Variants in CHST9 observed in about 807,000 individuals in gnomAD.
CHST9 encodes the protein carbohydrate sulfotransferase 9, also known as GalNAc-4-sulfotransferase 2.
In CHST9, 41 loss-of-function variants were observed where a neutral mutation model predicts 44.4. The observed-to-expected ratio is 0.92, with a 90% confidence interval of 0.72 to 1.20. CHST9 has a LOEUF of 1.20. Ranked by LOEUF, CHST9 falls within the 50% of genes most tolerant of loss-of-function variation. CHST9 has a pLI of 0.00. For missense variants in CHST9, 504 were observed against 516.5 expected (o/e 0.98, Z 0.23); for synonymous variants, 171 against 178.4 (o/e 0.96, Z 0.33).
At chr18:26,948,240 C>T (rs1177378136) in intron 4 of CHST9, among the ~76,000 whole-genome samples, 1 of 151,992 alleles carries the variant, frequency 6.6e-6, no homozygotes, top group Non-Finnish European at 1.5e-5. Flanking sequence ...CACACTGAGG[C>T]CTTTCAGGGA....
chr18:27,148,379 G>T (rs1362315507), intron 1 of CHST9, among the ~76,000 whole-genome samples: 1 of 151,148 alleles, frequency 6.6e-6, no homozygotes, highest in African/African-American at 2.4e-5. Context: ...TTAGCATTAG[G>T]TGTATCTCCT....
chr18:26,967,316 A>T (rs1218641605), intron 4 of CHST9, among the ~76,000 whole-genome samples: 1 of 152,190 alleles, frequency 6.6e-6, no homozygotes, highest in Non-Finnish European at 1.5e-5. Context: ...TTTATGTTGC[A>T]TTTACAGGGA....
chr18:26,929,292 C>T (rs1008019525), intron 5 of CHST9, among the ~76,000 whole-genome samples: 4 of 152,162 alleles, frequency 2.6e-5, no homozygotes, highest in Non-Finnish European at 4.4e-5. Context: ...AACCAAGAGC[C>T]ATGCCAAAAT....
At chr18:27,039,028 A>G (rs1440948390) in intron 3 of CHST9, among the ~76,000 whole-genome samples, 1 of 152,210 alleles carries the variant, frequency 6.6e-6, no homozygotes, top group Non-Finnish European at 1.5e-5. Context: ...GCGACAGAGT[A>G]AAAAACAACA....
intron 2 of CHST9, among the ~76,000 whole-genome samples, chr18:27,118,013 G>T (rs1293161134): frequency 6.6e-6 from 1 of 152,172 alleles, no homozygotes; most frequent in East Asian, 1.9e-4. Context: ...CACCAATAAC[G>T]AATGAGACAG....
intron 2 of CHST9, among the ~76,000 whole-genome samples, chr18:27,055,360 T>A (rs538690977): frequency 1.3e-5 from 2 of 152,298 alleles, no homozygotes; most frequent in South Asian, 2.1e-4. Flanking sequence ...ATAATGAGAA[T>A]CTGTAGTGCT....
intron 4 of CHST9, among the ~76,000 whole-genome samples, chr18:26,947,876 A>C (rs2145124091): frequency 6.6e-6 from 1 of 152,354 alleles, no homozygotes; most frequent in South Asian, 2.1e-4. Flanking sequence ...ATACCATTTA[A>C]GCCAGCAACC....
chr18:27,166,133 A>T (rs1336199126), intron 1 of CHST9, among the ~76,000 whole-genome samples: 2 of 152,150 alleles, frequency 1.3e-5, no homozygotes, highest in Admixed American at 1.3e-4. Flanking sequence ...CGTCCTCCAA[A>T]AAATGACCTA....
chr18:27,119,489 A>G (rs1223520781), intron 2 of CHST9, among the ~76,000 whole-genome samples: 1 of 152,128 alleles, frequency 6.6e-6, no homozygotes, highest in African/African-American at 2.4e-5. Flanking sequence ...ACTCCCATGA[A>G]TATTATCTCT....
At chr18:27,127,483 G>A (rs531988274) in intron 2 of CHST9, among the ~76,000 whole-genome samples, 35 of 152,220 alleles carry the variant, frequency 2.3e-4, no homozygotes, top group African/African-American at 8.4e-4. Context: ...AAGGACCAGT[G>A]GTTGATAGGG....
In CHST9 at chr18:26,991,660, A is replaced by ATTTACCACT. The variant is rs1273577107; in HGVS notation, c.202+32455_202+32456insAGTGGTAAA. 4.5e-5 allele frequency among the ~76,000 whole-genome samples: 3 copies of ATTTACCACT among 67,020 alleles called. 1 individual carries two copies. The highest frequency in any genetic ancestry group is 1.2e-4 in the Non-Finnish European group (3 of 24,662). The allele number at this position is 67,020 out of a possible 152,430, so 44.0% of individuals were successfully genotyped here. On this transcript the variant is annotated intron_variant, in intron 4 of 5. Transcript: ENST00000618847. Reference sequence around the variant, plus strand: ...ACAGGAGGAAGCAGCAAGGAAACTAAGAAGCACCTGCCAGTGAAAGCAGGA... The same window carrying ATTTACCACT: ...ACAGGAGGAAGCAGCAAGGAAACTAATTTACCACTGAAGCACCTGCCAGTGAAAGCAGGA...
Position 26,917,041 on chromosome 18 carries a change from C to A in CHST9, c.550G>T (p.Glu184Ter). The A allele has an allele frequency of 6.2e-7, 1 of 1,613,912 alleles. No homozygotes were observed. Among genetic ancestry groups the A allele is most frequent in the South Asian group, 1.1e-5 (1 of 91,078 alleles). Residue 184 changes from glutamate (E) to a stop codon, truncating the protein, a stop_gained, in exon 6 of 6, where the codon GAG becomes TAG. Transcript: ENST00000618847. LOFTEE classifies it high-confidence loss of function. ...ACCCCACCGTATTTCTTGCAAAACTCCTGAAGGAAAGACCTTCGTTTCTCT... is the reference window on the plus strand; with the variant it reads ...ACCCCACCGTATTTCTTGCAAAACTACTGAAGGAAAGACCTTCGTTTCTCT... ...TQEKRRSFLQ[E>*]FCKKYGGVSH...
At position 26,995,239 on chromosome 18, in the gene CHST9, C is replaced by T. The variant is rs373286349; in HGVS notation, c.202+28877G>A. 7.3e-4 allele frequency among the ~76,000 whole-genome samples: 102 copies of T among 139,696 alleles called. 1 individual carries two copies. The South Asian group carries it at 0.011, about 15-fold the overall frequency. 91.6% of individuals were successfully genotyped at this position (139,696 alleles called of 152,430 possible). A position where few individuals can be genotyped will look rare whatever the true frequency, so the allele number is the denominator to read the frequency against. On this transcript the variant is annotated intron_variant, in intron 4 of 5. Transcript: ENST00000618847. ...GAGATCAAGACAATCCTGGCTAACA[C>T]GGTGAAACCCCATCTCTACTAAAAA...
chr18:27,183,978 C>T (rs1039826219), intron 1 of CHST9, among the ~76,000 whole-genome samples: 1 of 151,896 alleles, frequency 6.6e-6, no homozygotes, highest in African/African-American at 2.4e-5. Context: ...GAAAAGAGGC[C>T]CCTGTCCTTC....
chr18:27,065,584 C>CT (rs56023514), intron 2 of CHST9, among the ~76,000 whole-genome samples: 65,756 of 128,564 alleles, frequency 0.51, 17,745 homozygotes, highest in Non-Finnish European at 0.62. Flanking sequence ...TCGTTCACTG[C>CT]TTTTTTTTTT....
chr18:27,051,394 G>A lies in CHST9; in HGVS notation c.122-2891C>T, dbSNP rs60651123. 2.9e-3 allele frequency among the ~76,000 whole-genome samples: 444 copies of A among 152,268 alleles called. 2 individuals are homozygous for A. Among genetic ancestry groups the A allele is most frequent in the African/African-American group, 0.01 (430 of 41,564 alleles). On this transcript the variant is annotated intron_variant, in intron 2 of 5. Coordinates refer to ENST00000618847, the MANE Select transcript of CHST9 (RefSeq NM_031422.6). ...TGACTGCACCACAGCACTCTAGCCTGAACAACAAAGCAGGACCCCATCTCA... is the reference window on the plus strand; with the variant it reads ...TGACTGCACCACAGCACTCTAGCCTAAACAACAAAGCAGGACCCCATCTCA...
intron 5 of CHST9, among the ~76,000 whole-genome samples, chr18:26,943,401 A>C (rs1384219890): frequency 6.6e-6 from 1 of 152,252 alleles, no homozygotes; most frequent in Non-Finnish European, 1.5e-5. Flanking sequence ...GACAATAGGA[A>C]CTAGAATTGG....
At chr18:27,036,901 G>A (rs2057395719) in intron 3 of CHST9, among the ~76,000 whole-genome samples, 1 of 152,168 alleles carries the variant, frequency 6.6e-6, no homozygotes, top group Admixed American at 6.5e-5. Context: ...CTTATCAGGG[G>A]CTGCAGGGAG....
At chr18:26,947,225 G>A (rs577975302) in intron 4 of CHST9, among the ~76,000 whole-genome samples, 34 of 152,166 alleles carry the variant, frequency 2.2e-4, no homozygotes, top group Admixed American at 1.6e-3. Flanking sequence ...TCCTTGAAAA[G>A]GTCCTTCACA....
Sources: gnomAD v4.1 joint callset for allele counts (sites outside exome capture counted in the v4.1 genomes callset) on GRCh38, gnomAD v4.1.1 for gene constraint, MANE v1.5 for transcripts, NCBI Gene and HGNC (gene_info 2026-07-23, HGNC 2026-07-21) for gene names.